Variants in BBS9 observed in about 807,000 individuals in gnomAD.
BBS9 encodes the protein Bardet-Biedl syndrome 9.
In BBS9, 89 loss-of-function variants were observed where a neutral mutation model predicts 117.7. The observed-to-expected ratio is 0.76, with a 90% CI of 0.64 to 0.90. The LOEUF (loss-of-function observed/expected upper bound fraction) is 0.90, where lower values mean the gene tolerates loss of function less well. BBS9 is among the 40% of genes least tolerant of loss of function. The pLI, the probability that BBS9 is intolerant of heterozygous loss-of-function variation, is 0.00. For synonymous variants in BBS9, 379 were observed against 370.9 expected (o/e 1.02, Z -0.25); for missense variants, 982 against 1,042.2 (o/e 0.94, Z 0.80).
At chr7:33,225,703 T>C (rs991137655) in intron 5 of BBS9, among the ~76,000 whole-genome samples, 6 of 151,082 alleles carry the variant, frequency 4.0e-5, no homozygotes, top group Non-Finnish European at 8.9e-5. Flanking sequence ...TTGGTTCTTT[T>C]TTTTTTTTTT....
intron 19 of BBS9, among the ~76,000 whole-genome samples, chr7:33,492,214 C>CAAAAAAAAAAAAAAA (rs767399661): frequency 1.8e-5 from 2 of 110,622 alleles, no homozygotes; most frequent in Non-Finnish European, 3.6e-5. Context: ...AAAAAAAAAA[C>CAAAAAAAAAAAAAAA]AAAAAAAAAA....
rs562501659 is a variant in BBS9, at chr7:33,389,557, C to T, written c.2115+1413C>T. ...TCAAACAATTAGCCGGGCATGGTGG[C>T]AGGCACCCATAATCCCAGCTACTCG... On this transcript the variant is annotated intron_variant, in intron 19 of 22. Coordinates refer to ENST00000242067, the MANE Select transcript of BBS9 (RefSeq NM_198428.3). Among the ~76,000 whole-genome samples the T allele has an allele frequency of 5.8e-3, 887 of 151,920 alleles. 4 individuals carry two copies. The highest frequency in any genetic ancestry group is 8.3e-3 in the Non-Finnish European group (565 of 67,954).
At chr7:33,602,459 T>A (rs1299610269) in intron 21 of BBS9, among the ~76,000 whole-genome samples, 2 of 152,080 alleles carry the variant, frequency 1.3e-5, no homozygotes, top group Non-Finnish European at 2.9e-5. Flanking sequence ...CCAGGCAGGG[T>A]GGCTCACGCC....
chr7:33,183,179 G>A (rs147113416), intron 5 of BBS9, among the ~76,000 whole-genome samples: 1 of 152,094 alleles, frequency 6.6e-6, no homozygotes, highest in Non-Finnish European at 1.5e-5. Flanking sequence ...AGGGTTCCAC[G>A]AGGGAAACAG....
At chr7:33,528,683 T>G (rs1206899776) in intron 20 of BBS9, among the ~76,000 whole-genome samples, 1 of 152,200 alleles carries the variant, frequency 6.6e-6, no homozygotes, top group Non-Finnish European at 1.5e-5. Context: ...GTGTTATTGC[T>G]GTTTTGTGGA....
At chr7:33,535,940 A>C (rs966390819) in intron 21 of BBS9, among the ~76,000 whole-genome samples, 2 of 151,786 alleles carry the variant, frequency 1.3e-5, no homozygotes, top group Non-Finnish European at 2.9e-5. Flanking sequence ...GGATCCTCAA[A>C]TCCCTGTCTT....
chr7:33,142,385 T>G (rs911109631), intron 1 of BBS9, among the ~76,000 whole-genome samples: 4 of 152,232 alleles, frequency 2.6e-5, no homozygotes, highest in Non-Finnish European at 5.9e-5. Flanking sequence ...GGTATTGTAC[T>G]AAGTGGTCTA....
intron 21 of BBS9, among the ~76,000 whole-genome samples, chr7:33,624,825 G>A (rs1562540906): frequency 6.6e-6 from 1 of 152,218 alleles, no homozygotes; most frequent in African/African-American, 2.4e-5. Flanking sequence ...AGTCCTGGGT[G>A]TAGGTCATCC....
At chr7:33,503,066 G>A (rs989942230) in intron 19 of BBS9, among the ~76,000 whole-genome samples, 21 of 151,920 alleles carry the variant, frequency 1.4e-4, no homozygotes, top group African/African-American at 4.8e-4. Flanking sequence ...ACCATTAATC[G>A]TTACATTAAT....
At chr7:33,432,089 CTT>C (rs775827412) in intron 19 of BBS9, among the ~76,000 whole-genome samples, 8 of 142,604 alleles carry the variant, frequency 5.6e-5, no homozygotes, top group Admixed American at 1.4e-4. Context: ...TTCTTTCTTT[CTT>C]TTTTTTTTTT....
At chr7:33,590,440 T>TTTGTTTTC (rs1861663686) in intron 21 of BBS9, among the ~76,000 whole-genome samples, 1 of 101,928 alleles carries the variant, frequency 9.8e-6, no homozygotes, top group Non-Finnish European at 1.7e-5. Flanking sequence ...CTGGCCACTG[T>TTTGTTTTC]TTGTTTTTTT....
chr7:33,139,960 A>G (rs921649459), intron 1 of BBS9, among the ~76,000 whole-genome samples: 3 of 151,656 alleles, frequency 2.0e-5, no homozygotes, highest in Non-Finnish European at 2.9e-5. Flanking sequence ...TTCCTTCGAG[A>G]TAACTCACTT....
At chr7:33,444,114 G>C (rs979231058) in intron 19 of BBS9, among the ~76,000 whole-genome samples, 2 of 152,120 alleles carry the variant, frequency 1.3e-5, no homozygotes, top group Non-Finnish European at 2.9e-5. Flanking sequence ...AGCATATTGG[G>C]TCAGGATATG....
rs748255340 is a variant in BBS9, at chr7:33,349,073, A to G, written c.1335A>G (p.Thr445=). ...AACAATTTCTGTTTCCTTAGGTCAC[A>G]CTGCAGAACAGAGTGATATTGCAAA... is the stretch of plus-strand genomic sequence containing the variant. ...DLVPSVTVKV[T]LQNRVILQKA... Residue 445 remains threonine, a synonymous_variant, in exon 13 of 23, where the codon ACA becomes ACG. Coordinates refer to ENST00000242067, the MANE Select transcript of BBS9 (RefSeq NM_198428.3). The G allele has an allele frequency of 2.5e-6, 4 of 1,598,304 alleles. No homozygotes were observed. The highest frequency in any genetic ancestry group is 3.4e-6 in the Non-Finnish European group (4 of 1,165,812).
chr7:33,493,516 C>T (rs1409688528), intron 19 of BBS9, among the ~76,000 whole-genome samples: 1 of 152,174 alleles, frequency 6.6e-6, no homozygotes, highest in African/African-American at 2.4e-5. Flanking sequence ...GAAAGTACGT[C>T]TCATACCTAA....
At chr7:33,253,707 G>A (rs767814260) in intron 5 of BBS9, among the ~76,000 whole-genome samples, 2 of 152,138 alleles carry the variant, frequency 1.3e-5, no homozygotes, top group African/African-American at 2.4e-5. Context: ...TCCACAATAC[G>A]TGACTTTCAT....
intron 9 of BBS9, among the ~76,000 whole-genome samples, chr7:33,310,439 C>T: frequency 6.6e-6 from 1 of 152,148 alleles, no homozygotes; most frequent in East Asian, 1.9e-4. Context: ...TAACAATTCA[C>T]TCATTCTGGG....
At chr7:33,188,594 C>T (rs1460344507) in intron 5 of BBS9, among the ~76,000 whole-genome samples, 2 of 152,024 alleles carry the variant, frequency 1.3e-5, no homozygotes. Flanking sequence ...AATTTAGAGA[C>T]AGAAGAGCAT....
At chr7:33,515,953 C>T (rs552490982) in intron 20 of BBS9, among the ~76,000 whole-genome samples, 1 of 152,254 alleles carries the variant, frequency 6.6e-6, no homozygotes, top group South Asian at 2.1e-4. Context: ...CTTTTTTGCT[C>T]AATGATAAGT....
Sources: allele counts gnomAD v4.1 joint callset (sites outside exome capture counted in the v4.1 genomes callset), GRCh38; gene constraint gnomAD v4.1.1; transcripts MANE v1.5; gene names NCBI Gene and HGNC (gene_info 2026-07-23, HGNC 2026-07-21).